CHAMP1: variants seen among roughly 807,000 people sequenced by gnomAD.
CHAMP1 encodes the protein chromosome alignment-maintaining phosphoprotein 1.
In CHAMP1, 4 loss-of-function variants were observed where a neutral mutation model predicts 54.5. The observed-to-expected ratio is 0.07, with a 90% CI of 0.04 to 0.17. The LOEUF (loss-of-function observed/expected upper bound fraction) is 0.17, where lower values mean the gene tolerates loss of function less well. Ranked by LOEUF, CHAMP1 falls within the 10% of genes least tolerant of loss-of-function variation. The probability of loss-of-function intolerance (pLI) is 1.00; values close to 1 mark genes in which losing one functional copy is unlikely to be tolerated. For missense variants in CHAMP1, 994 were observed against 968.6 expected (o/e 1.03, Z -0.35); for synonymous variants, 368 against 342.2 (o/e 1.08, Z -0.83).
Position 114,324,721 on chromosome 13 carries a change from C to G in CHAMP1, c.879C>G (p.Phe293Leu), listed in dbSNP as rs782598064. The G allele has an allele frequency of 6.2e-7, 1 of 1,613,826 alleles. No individual in the cohort carries two copies. Among genetic ancestry groups the G allele is most frequent in the Non-Finnish European group, 8.5e-7 (1 of 1,179,830 alleles). ...PSESPEPWKP[F>L]PAVSPEPRRP... ...AGTCTCCTGAACCTTGGAAGCCGTT[C>G]CCTGCTGTCTCCCCAGAGCCTAGGA... Residue 293 changes from phenylalanine to leucine, a missense_variant, in exon 3 of 3, where the codon TTC (phenylalanine) becomes TTG (leucine). Physicochemically the swap from Phe to Leu is conservative, Grantham distance 22. Transcript: ENST00000361283.
chr13:114,322,006 AAAAACAAATTATC>A (rs1555379153), intron 2 of CHAMP1: 1 of 152,032 alleles, frequency 6.6e-6, no homozygotes, highest in Non-Finnish European at 1.5e-5. Context: ...GAACATCTTT[AAAAACAAATTATC>A]AAAGTTAGAA....
At chr13:114,318,480 C>G (rs931877775) in intron 1 of CHAMP1, among the ~76,000 whole-genome samples, 3 of 152,056 alleles carry the variant, frequency 2.0e-5, no homozygotes, top group African/African-American at 7.3e-5. Context: ...CATTCTGCTG[C>G]ACCCGGCTAA....
rs782259506 is a variant in CHAMP1 at position 114,325,913 on chromosome 13, G to C, written c.2071G>C (p.Ala691Pro). Residue 691 changes from alanine to proline, a missense_variant, in exon 3 of 3, where the codon GCT (alanine) becomes CCT (proline). Physicochemically the swap from Ala to Pro is conservative, Grantham distance 27 (BLOSUM62 -1). This residue lies in a region of CHAMP1 where 851 missense variants were observed against 701.3 expected (regional missense o/e 1.21). Coordinates refer to ENST00000361283, the MANE Select transcript of CHAMP1 (RefSeq NM_032436.4). ...NVLQFTEEKE[A>P]FISEEEIAKY... ...GCTACAGTTTACTGAAGAAAAAGAA[G>C]CTTTTATCTCTGAAGAGGAGATTGC... 6.2e-7 allele frequency: 1 copy of C among 1,613,934 alleles called. No homozygotes were observed. The highest frequency in any genetic ancestry group is 8.5e-7 in the Non-Finnish European group (1 of 1,179,962).
rs532725522 is a variant in CHAMP1, at chr13:114,320,874, T to C, written c.-178-236T>C. On this transcript the variant is annotated intron_variant, in intron 1 of 2. Transcript: ENST00000361283. ...AGGAGGCTGAGGCAGGAGAATGGCATGAACCCTGGAGGCGGAGCTTGCAGT... is the reference window on the plus strand; with the variant it reads ...AGGAGGCTGAGGCAGGAGAATGGCACGAACCCTGGAGGCGGAGCTTGCAGT... 1.4e-3 allele frequency among the ~76,000 whole-genome samples: 205 copies of C among 151,656 alleles called. 1 individual carries two copies. The highest frequency in any genetic ancestry group is 5.4e-3 in the South Asian group (26 of 4,808).
intron 1 of CHAMP1, among the ~76,000 whole-genome samples, chr13:114,317,644 G>A (rs903472734): frequency 6.6e-6 from 1 of 152,022 alleles, no homozygotes; most frequent in East Asian, 1.9e-4. Flanking sequence ...AAAAAAGTCC[G>A]CTAAGATAAA....
chr13:114,325,824 A>G lies in CHAMP1; in HGVS notation c.1982A>G (p.Glu661Gly). 6.2e-7 allele frequency: 1 copy of G among 1,614,194 alleles called. No individual in the cohort carries two copies. Among genetic ancestry groups the G allele is most frequent in the African/African-American group, 1.3e-5 (1 of 75,048 alleles). The change falls in exon 3 of 3, where the codon GAA (glutamate) becomes GGA (glycine). Residue 661 changes from glutamate to glycine, a missense_variant. Transcript: ENST00000361283. ...AGTGATCAAGAGCAGGTTGATGTGG[A>G]ATCCATTGATTTTAGCAAAGAGAAC... ...SSSDQEQVDV[E>G]SIDFSKENKM...
At chr13:114,317,856 G>T (rs1489118915) in intron 1 of CHAMP1, among the ~76,000 whole-genome samples, 1 of 152,188 alleles carries the variant, frequency 6.6e-6, no homozygotes, top group African/African-American at 2.4e-5. Context: ...GAAGGATACT[G>T]GGTGATAGAC....
At position 114,325,083 on chromosome 13, in the gene CHAMP1, C is replaced by T; in HGVS notation, c.1241C>T (p.Pro414Leu). The change falls in exon 3 of 3, where the codon CCA becomes CTA. Residue 414 changes from proline (P) to leucine (L), a missense_variant. This residue lies in a region of CHAMP1 where 851 missense variants were observed against 701.3 expected (regional missense o/e 1.21). Coordinates refer to ENST00000361283, the MANE Select transcript of CHAMP1 (RefSeq NM_032436.4). ...LSPEHWKAVP[P>L]VSPELRKPGP... is the part of the protein sequence containing the mutation. ...CCTGAACATTGGAAGGCAGTTCCCC[C>T]AGTGTCTCCAGAGCTTCGCAAACCC... is the stretch of plus-strand genomic sequence containing the variant. 1 of 1,614,186 alleles carries T rather than the reference C, an allele frequency of 6.2e-7. No individual in the cohort carries two copies. Among genetic ancestry groups the T allele is most frequent in the Non-Finnish European group, 8.5e-7 (1 of 1,180,034 alleles).
In CHAMP1 at chr13:114,325,001, C is replaced by T. The variant is rs138325089; in HGVS notation, c.1159C>T (p.Pro387Ser). 1.9e-6 allele frequency: 3 copies of T among 1,614,140 alleles called. No homozygotes were observed. Among genetic ancestry groups the T allele is most frequent in the African/African-American group, 2.7e-5 (2 of 75,024 alleles). The change falls in exon 3 of 3, where the codon CCT becomes TCT. Residue 387 changes from proline (P) to serine (S), a missense_variant. This residue lies in a region of CHAMP1 where 851 missense variants were observed against 701.3 expected (regional missense o/e 1.21). Transcript: ENST00000361283. ...CTCCTGGAAGTCTCCCCCTGCATCTCCTGAGTCATGGAAGTCTGGCCCACC... is the reference window on the plus strand; with the variant it reads ...CTCCTGGAAGTCTCCCCCTGCATCTTCTGAGTCATGGAAGTCTGGCCCACC... ...PSSWKSPPAS[P>S]ESWKSGPPEL... is the part of the protein sequence containing the mutation.
Position 114,319,077 on chromosome 13 carries a change from A to G in CHAMP1, c.-178-2033A>G, listed in dbSNP as rs530760655. Among the ~76,000 whole-genome samples, 54 of 152,112 alleles carry G rather than the reference A, an allele frequency of 3.6e-4. 1 individual carries two copies. The highest frequency in any genetic ancestry group is 1.5e-4 in the Non-Finnish European group (10 of 67,996). On this transcript the variant is annotated intron_variant, in intron 1 of 2. Coordinates refer to ENST00000361283, the MANE Select transcript of CHAMP1 (RefSeq NM_032436.4). The stretch of plus-strand genomic sequence containing the variant: ...CATCTTGTTTATTTTGGACTATTGT[A>G]CAGGCTTTAAAAGATCTTACTAAAT...
Position 114,325,598 on chromosome 13 carries a change from G to T in CHAMP1, c.1756G>T (p.Ala586Ser), listed in dbSNP as rs117710037. The T allele has an allele frequency of 0.031, 50,699 of 1,614,106 alleles. 937 individuals are homozygous for T. The highest frequency in any genetic ancestry group is 0.039 in the Non-Finnish European group (45,450 of 1,180,006). The change falls in exon 3 of 3, where the codon GCC (alanine) becomes TCC (serine). Residue 586 changes from alanine (A) to serine (S), a missense_variant. Ala to Ser is a moderately conservative substitution (Grantham distance 99). Coordinates refer to ENST00000361283, the MANE Select transcript of CHAMP1 (RefSeq NM_032436.4). The part of the protein sequence containing the change: ...VELGDELQID[A>S]IDDQKCDILV... ...GCTTGGTGATGAACTACAAATAGATGCCATAGATGATCAAAAATGTGATAT... is the reference window on the plus strand; with the variant it reads ...GCTTGGTGATGAACTACAAATAGATTCCATAGATGATCAAAAATGTGATAT...
At position 114,324,348 on chromosome 13, in the gene CHAMP1, C is replaced by T. The variant is rs574736824; in HGVS notation, c.506C>T (p.Thr169Ile). The T allele has an allele frequency of 1.2e-5, 19 of 1,614,056 alleles. No homozygotes were observed. Among genetic ancestry groups the T allele is most frequent in the Non-Finnish European group, 1.6e-5 (19 of 1,180,040 alleles). ...PGSVVSPELQ[T>I]PLPSPEPSKP... Reference sequence around the variant, plus strand: ...TCTGTTGTTTCTCCTGAGCTACAGACACCTCTTCCTTCTCCTGAGCCTTCA... The same window carrying T: ...TCTGTTGTTTCTCCTGAGCTACAGATACCTCTTCCTTCTCCTGAGCCTTCA... Residue 169 changes from threonine to isoleucine, a missense_variant, in exon 3 of 3, where the codon ACA becomes ATA. Physicochemically the swap from Thr to Ile is moderately conservative, Grantham distance 89. This residue lies in a region of CHAMP1 where 851 missense variants were observed against 701.3 expected (regional missense o/e 1.21). Transcript: ENST00000361283.
At chr13:114,318,857 CTTTTTTTT>C (rs56669844) in intron 1 of CHAMP1, among the ~76,000 whole-genome samples, 6 of 24,156 alleles carry the variant, frequency 2.5e-4, no homozygotes, top group African/African-American at 1.0e-3. Flanking sequence ...TCCTGGTTGC[CTTTTTTTT>C]TTTTTTTTTT....
chr13:114,322,592 G>A (rs2087188843), intron 2 of CHAMP1: 1 of 152,172 alleles, frequency 6.6e-6, no homozygotes, highest in Non-Finnish European at 1.5e-5. Flanking sequence ...AAGTTTTTGA[G>A]AGTTTGGTAA....
chr13:114,327,300 TAAAAAG>T lies in CHAMP1; in HGVS notation c.*1023_*1028del, dbSNP rs1594134114. 6.4e-6 allele frequency: 1 copy of T among 155,778 alleles called. No homozygotes were observed. Among genetic ancestry groups the T allele is most frequent in the East Asian group, 1.9e-4 (1 of 5,206 alleles). 9.6% of individuals were successfully genotyped at this position (155,778 alleles called of 1,614,324 possible). On this transcript the variant is annotated 3_prime_UTR_variant, in exon 3 of 3. Coordinates refer to ENST00000361283, the MANE Select transcript of CHAMP1 (RefSeq NM_032436.4). Reference sequence around the variant, plus strand: ...TTTGTCAAATGTGTATCAACCAAATTAAAAAGAAAGGTTTTCATGTCAGCAACATCT... The same window carrying T: ...TTTGTCAAATGTGTATCAACCAAATTAAAGGTTTTCATGTCAGCAACATCT...
intron 1 of CHAMP1, among the ~76,000 whole-genome samples, chr13:114,318,512 C>T (rs2087127358): frequency 6.6e-6 from 1 of 151,872 alleles, no homozygotes; most frequent in Non-Finnish European, 1.5e-5. Flanking sequence ...TTTGTAGAGA[C>T]GGGGTTTCGC....
intron 1 of CHAMP1, among the ~76,000 whole-genome samples, chr13:114,316,794 C>T (rs1182571789): frequency 2.1e-5 from 3 of 145,768 alleles, no homozygotes; most frequent in Non-Finnish European, 4.5e-5. Context: ...TTGCATTGTA[C>T]TTACTGGTTA....
At position 114,324,792 on chromosome 13, in the gene CHAMP1, C is replaced by T; in HGVS notation, c.950C>T (p.Pro317Leu). The T allele has an allele frequency of 6.2e-7, 1 of 1,614,054 alleles. No individual in the cohort carries two copies. The highest frequency in any genetic ancestry group is 8.5e-7 in the Non-Finnish European group (1 of 1,179,928). The change falls in exon 3 of 3, where the codon CCT becomes CTT. Residue 317 changes from proline to leucine, a missense_variant. Physicochemically the swap from Pro to Leu is moderately conservative, Grantham distance 98. Coordinates refer to ENST00000361283, the MANE Select transcript of CHAMP1 (RefSeq NM_032436.4). ...VSPGSWKPGP[P>L]GSPRPWKSNP... ...CCAGGCTCTTGGAAACCAGGGCCAC[C>T]TGGGTCCCCTAGGCCTTGGAAATCC...
Position 114,325,412 on chromosome 13 carries a change from G to A in CHAMP1, c.1570G>A (p.Glu524Lys), listed in dbSNP as rs782512620. The A allele has an allele frequency of 6.2e-7, 1 of 1,614,058 alleles. No individual in the cohort carries two copies. The highest frequency in any genetic ancestry group is 8.5e-7 in the Non-Finnish European group (1 of 1,180,026). Residue 524 changes from glutamate (E) to lysine (K), a missense_variant, in exon 3 of 3, where the codon GAG becomes AAG. Glu to Lys is a moderately conservative substitution (Grantham distance 56). Transcript: ENST00000361283. ...GAAGCCTGTTCTCTCTATCGATACT[G>A]AGCCTAGAAAACCTGCCCTGTTTCC... The part of the protein sequence containing the change: ...IWKPVLSIDT[E>K]PRKPALFPEP...
Sources: gnomAD v4.1 joint callset for allele counts (sites outside exome capture counted in the v4.1 genomes callset) on GRCh38, gnomAD v4.1.1 for gene constraint, gnomAD v4.1.1 regional missense constraint, MANE v1.5 for transcripts, NCBI Gene and HGNC (gene_info 2026-07-23, HGNC 2026-07-21) for gene names.